The following DIP2C variants were observed in gnomAD, a reference collection of about 807,000 sequenced individuals.
The protein encoded by DIP2C is DIP2 acetate--CoA ligase C (putative), also known as disco-interacting protein 2 homolog C.
A neutral mutation model predicts 192.4 loss-of-function variants in DIP2C; 33 were observed. The observed-to-expected ratio is 0.17, with a 90% CI of 0.13 to 0.23. The LOEUF is 0.23. Among genes scored for constraint, DIP2C ranks in the 10% least tolerant of loss-of-function variants. The pLI, the probability that DIP2C is intolerant of heterozygous loss-of-function variation, is 1.00. For missense variants in DIP2C, 1,537 were observed against 2,110.1 expected (o/e 0.73, Z 5.32); for synonymous variants, 979 against 864.1 (o/e 1.13, Z -2.33).
chr10:371,479 A>C (rs1360695647), intron 17 of DIP2C, among the ~76,000 whole-genome samples: 1 of 152,204 alleles, frequency 6.6e-6, no homozygotes, highest in African/African-American at 2.4e-5. Context: ...ATGGACCCTA[A>C]ATCCAATTAC....
chr10:473,143 CAA>C (rs1970770749), intron 2 of DIP2C, among the ~76,000 whole-genome samples: 1 of 152,012 alleles, frequency 6.6e-6, no homozygotes. Context: ...TGGTGAATAA[CAA>C]AAAACATTAA....
chr10:544,188 G>T (rs1848159372), intron 1 of DIP2C, among the ~76,000 whole-genome samples: 1 of 152,204 alleles, frequency 6.6e-6, no homozygotes, highest in South Asian at 2.1e-4. Flanking sequence ...CCCGTTCAAG[G>T]TGAGTGGAAT....
chr10:487,579 T>G (rs868450337), intron 1 of DIP2C, among the ~76,000 whole-genome samples: 33 of 127,172 alleles, frequency 2.6e-4, no homozygotes, highest in African/African-American at 1.1e-3. Context: ...TTTTTTTTTT[T>G]TTTTTTTTTT....
intron 1 of DIP2C, chr10:630,442 T>C (rs1588638047): frequency 6.6e-6 from 1 of 152,252 alleles, no homozygotes; most frequent in Non-Finnish European, 1.5e-5. Flanking sequence ...AGGTAACATA[T>C]TCATGGCATT....
chr10:408,557 A>G (rs1964970001), intron 9 of DIP2C, among the ~76,000 whole-genome samples: 1 of 152,212 alleles, frequency 6.6e-6, no homozygotes, highest in Non-Finnish European at 1.5e-5. Flanking sequence ...GGAGCTCTAA[A>G]TGATGTCTTT....
At position 650,410 on chromosome 10, in the gene DIP2C, G is replaced by C. The variant is rs1313904213; in HGVS notation, c.85+39084C>G. On this transcript the variant is annotated intron_variant, in intron 1 of 36. Transcript: ENST00000280886. ...AGCCACACGCCCCAGACCAACACGA[G>C]AAGAACGCAGGCCGACAACATCTTC... 5.6e-6 allele frequency: 4 copies of C among 714,982 alleles called. No homozygotes were observed. The Admixed American group carries it at 6.0e-5, about 11-fold the overall frequency. 44.3% of individuals were successfully genotyped at this position (714,982 alleles called of 1,614,324 possible). A position where few individuals can be genotyped will look rare whatever the true frequency, so the allele number is the denominator to read the frequency against.
At chr10:580,656 G>A (rs914554284) in intron 1 of DIP2C, among the ~76,000 whole-genome samples, 1 of 152,138 alleles carries the variant, frequency 6.6e-6, no homozygotes, top group Admixed American at 6.5e-5. Context: ...GTACACATTT[G>A]TATAGTACAC....
At chr10:343,615 G>T (rs992493888) in intron 28 of DIP2C, among the ~76,000 whole-genome samples, 1 of 152,230 alleles carries the variant, frequency 6.6e-6, no homozygotes, top group Non-Finnish European at 1.5e-5. Flanking sequence ...TTTGTTTAAA[G>T]GAGAAATGAG....
chr10:610,924 G>A (rs1853053315), intron 1 of DIP2C, among the ~76,000 whole-genome samples: 1 of 147,380 alleles, frequency 6.8e-6, no homozygotes, highest in Non-Finnish European at 1.5e-5. Flanking sequence ...GACTCATGGG[G>A]GTGGTTTCTA....
chr10:401,928 C>T (rs1211293354), intron 9 of DIP2C, among the ~76,000 whole-genome samples: 3 of 150,072 alleles, frequency 2.0e-5, no homozygotes, highest in Admixed American at 6.6e-5. Context: ...GTAGCATTAG[C>T]GTTACTCTTC....
At chr10:420,938 C>T (rs1246147624) in intron 5 of DIP2C, among the ~76,000 whole-genome samples, 3 of 152,134 alleles carry the variant, frequency 2.0e-5, no homozygotes, top group Admixed American at 6.5e-5. Flanking sequence ...GACACTCACG[C>T]GCACGCAGAC....
At chr10:508,042 C>G (rs1490650451) in intron 1 of DIP2C, among the ~76,000 whole-genome samples, 1 of 152,116 alleles carries the variant, frequency 6.6e-6, no homozygotes, top group African/African-American at 2.4e-5. Flanking sequence ...GGGTGCTGCC[C>G]TTCCCTCCCT....
chr10:643,040 C>T (rs1169172631), intron 1 of DIP2C, among the ~76,000 whole-genome samples: 1 of 151,080 alleles, frequency 6.6e-6, no homozygotes, highest in Non-Finnish European at 1.5e-5. Context: ...CCCGTCTCTA[C>T]TAAAAATACA....
Position 390,721 on chromosome 10 carries a change from C to G in DIP2C, c.1384+19G>C. ...CAAAGGACGTGGGCATGCGAGCTCTCGGAGGCTCGGTGGCTTACCTTTAAA... is the reference window on the plus strand; with the variant it reads ...CAAAGGACGTGGGCATGCGAGCTCTGGGAGGCTCGGTGGCTTACCTTTAAA... On this transcript the variant is annotated intron_variant, in intron 11 of 36. Transcript: ENST00000280886. 1.2e-6 allele frequency: 2 copies of G among 1,609,128 alleles called. No homozygotes were observed. The highest frequency in any genetic ancestry group is 1.7e-5 in the Admixed American group (1 of 59,026).
At chr10:333,979 G>A (rs557009983) in intron 29 of DIP2C, among the ~76,000 whole-genome samples, 9 of 152,198 alleles carry the variant, frequency 5.9e-5, no homozygotes, top group East Asian at 1.9e-4. Context: ...TCTCTTGCCC[G>A]TGTTTATGTT....
At chr10:674,907 A>G (rs1830821659) in intron 1 of DIP2C, among the ~76,000 whole-genome samples, 1 of 151,732 alleles carries the variant, frequency 6.6e-6, no homozygotes, top group Admixed American at 6.6e-5. Flanking sequence ...TAACAACAAA[A>G]TATCGAATTT....
At chr10:541,542 CCA>C (rs1298591777) in intron 1 of DIP2C, among the ~76,000 whole-genome samples, 3 of 149,396 alleles carry the variant, frequency 2.0e-5, no homozygotes, top group South Asian at 2.1e-4. Flanking sequence ...CTCCTCGACC[CCA>C]CAGTGTGACC....
chr10:449,219 C>T (rs572238678), intron 3 of DIP2C, among the ~76,000 whole-genome samples: 3 of 152,204 alleles, frequency 2.0e-5, no homozygotes, highest in Non-Finnish European at 4.4e-5. Flanking sequence ...CCCACTCACC[C>T]CCGTCGATAC....
chr10:359,205 A>G (rs1669355348), intron 22 of DIP2C, among the ~76,000 whole-genome samples: 1 of 152,208 alleles, frequency 6.6e-6, no homozygotes, highest in South Asian at 2.1e-4. Flanking sequence ...AAATGGTGGC[A>G]CCAGAACAAG....
Sources: allele counts gnomAD v4.1 joint callset (sites outside exome capture counted in the v4.1 genomes callset), GRCh38; gene constraint gnomAD v4.1.1; transcripts MANE v1.5; gene names NCBI Gene and HGNC (gene_info 2026-07-23, HGNC 2026-07-21).